The following MYRIP variants were observed in gnomAD, a reference collection of about 807,000 sequenced individuals.
The protein encoded by MYRIP is myosin VIIA and Rab interacting protein, also known as rab effector MyRIP.
A neutral mutation model predicts 98.0 loss-of-function variants in MYRIP; 49 were observed. The observed-to-expected ratio is 0.50, with a 90% CI of 0.40 to 0.63. The LOEUF is 0.63. Ranked by LOEUF, MYRIP falls within the 30% of genes least tolerant of loss-of-function variation. The pLI is 0.00. For synonymous variants in MYRIP, 404 were observed against 409.5 expected (o/e 0.99, Z 0.16); for missense variants, 1,004 against 1,058.2 (o/e 0.95, Z 0.71).
intron 13 of MYRIP, among the ~76,000 whole-genome samples, chr3:40,247,867 G>A (rs1953254574): frequency 6.6e-6 from 1 of 152,258 alleles, no homozygotes; most frequent in South Asian, 2.1e-4. Flanking sequence ...CCTGGGAAAT[G>A]TGTTGGTCCT....
chr3:39,815,399 A>ATG lies in MYRIP; in HGVS notation c.-31+5497_-31+5498dup, dbSNP rs772232777. Among the ~76,000 whole-genome samples, 1,261 of 151,644 alleles carry ATG rather than the reference A, an allele frequency of 8.3e-3. 15 individuals are homozygous for ATG. The highest frequency in any genetic ancestry group is 0.027 in the African/African-American group (1,104 of 41,376). On this transcript the variant is annotated intron_variant, in intron 1 of 16. Coordinates refer to ENST00000302541, the MANE Select transcript of MYRIP (RefSeq NM_015460.4). ...TTTATTGGTGTATTTCATCATATAT[A>ATG]TGTGTGTGTGTGTGTATGTATGTAT...
chr3:40,234,735 C>T (rs1285614769), intron 12 of MYRIP, among the ~76,000 whole-genome samples: 1 of 152,186 alleles, frequency 6.6e-6, no homozygotes, highest in African/African-American at 2.4e-5. Context: ...TGGCTCACAT[C>T]TATAATCCCA....
intron 2 of MYRIP, among the ~76,000 whole-genome samples, chr3:40,028,268 A>C (rs1325164533): frequency 1.3e-5 from 2 of 152,170 alleles, no homozygotes; most frequent in East Asian, 3.9e-4. Context: ...AGACTACACC[A>C]GATGTAAGAA....
intron 2 of MYRIP, among the ~76,000 whole-genome samples, chr3:39,910,887 T>A (rs1312791938): frequency 6.6e-6 from 1 of 152,158 alleles, no homozygotes; most frequent in Admixed American, 6.5e-5. Flanking sequence ...TTATATGTGG[T>A]TTTTAGGTAT....
chr3:40,227,783 G>T (rs1162498494), intron 11 of MYRIP, among the ~76,000 whole-genome samples: 2 of 152,220 alleles, frequency 1.3e-5, no homozygotes, highest in South Asian at 4.1e-4. Flanking sequence ...GGTGGGAGGT[G>T]CTTGAGGAGA....
intron 8 of MYRIP, among the ~76,000 whole-genome samples, chr3:40,181,225 C>T (rs1270972914): frequency 7.7e-6 from 1 of 130,374 alleles, no homozygotes; most frequent in Admixed American, 7.4e-5. Context: ...GAGGTGGTCA[C>T]GGAGCCCAGG....
At chr3:40,071,238 G>T (rs773735425) in intron 3 of MYRIP, 79 of 973,640 alleles carry the variant, frequency 8.1e-5, no homozygotes, top group Non-Finnish European at 8.7e-5. Context: ...TAAGAATCTT[G>T]CTGGAGTTGG....
intron 2 of MYRIP, among the ~76,000 whole-genome samples, chr3:39,955,509 C>A (rs1208793714): frequency 9.9e-5 from 15 of 152,104 alleles, no homozygotes; most frequent in Admixed American, 9.2e-4. Context: ...GCCTGCCATA[C>A]AAGAGCTCCT....
At chr3:39,877,162 A>G (rs7428550) in intron 1 of MYRIP, among the ~76,000 whole-genome samples, 49,130 of 151,946 alleles carry the variant, frequency 0.32, 8,094 homozygotes, top group Middle Eastern at 0.46. Context: ...CATTCTTCAC[A>G]TAGTTCTCGA....
At chr3:40,114,885 G>T (rs1335600739) in intron 3 of MYRIP, among the ~76,000 whole-genome samples, 1 of 152,062 alleles carries the variant, frequency 6.6e-6, no homozygotes, top group Non-Finnish European at 1.5e-5. Context: ...TTAATTTCTA[G>T]AAATATGTGA....
rs1951730247 is a variant in MYRIP, at chr3:40,204,216, T to TATATA, written c.1666-5637_1666-5633dup. ...AATATTATATTATATATTTATATAT[T>TATATA]ATATATAAATATATATATATTTTTT... On this transcript the variant is annotated intron_variant, in intron 10 of 16. Transcript: ENST00000302541. 4.7e-4 allele frequency among the ~76,000 whole-genome samples: 5 copies of TATATA among 10,582 alleles called. No homozygotes were observed. The South Asian group carries it at 0.015, about 31-fold the overall frequency. 6.9% of individuals were successfully genotyped at this position (10,582 alleles called of 152,430 possible).
At chr3:39,856,689 T>C (rs989740291) in intron 1 of MYRIP, among the ~76,000 whole-genome samples, 27 of 152,156 alleles carry the variant, frequency 1.8e-4, no homozygotes, top group African/African-American at 6.3e-4. Context: ...TTAGATACTT[T>C]GTCAGCAAGC....
At chr3:40,123,418 CAG>C (rs1208060228) in intron 3 of MYRIP, among the ~76,000 whole-genome samples, 1 of 152,232 alleles carries the variant, frequency 6.6e-6, no homozygotes, top group Non-Finnish European at 1.5e-5. Flanking sequence ...TGGGAGGACT[CAG>C]AGACTGTGGC....
intron 2 of MYRIP, among the ~76,000 whole-genome samples, chr3:39,999,873 G>T (rs941225421): frequency 3.9e-5 from 6 of 152,054 alleles, no homozygotes; most frequent in Non-Finnish European, 7.4e-5. Flanking sequence ...CATGTCCTTT[G>T]TAGGGACATG....
intron 2 of MYRIP, among the ~76,000 whole-genome samples, chr3:40,031,132 A>G (rs1947251792): frequency 6.6e-6 from 1 of 152,130 alleles, no homozygotes; most frequent in Non-Finnish European, 1.5e-5. Context: ...TGGGAGGTCC[A>G]AGATAAAGAT....
intron 11 of MYRIP, among the ~76,000 whole-genome samples, chr3:40,212,161 TATATATACATATATATAC>T (rs1559456631): frequency 0.022 from 273 of 12,290 alleles, 84 homozygotes; most frequent in Middle Eastern, 0.071. Context: ...TACGTGTATA[TATATATACATATATATAC>T]GTGTATGTGT....
At chr3:39,882,940 A>G (rs1943190566) in intron 1 of MYRIP, among the ~76,000 whole-genome samples, 2 of 152,054 alleles carry the variant, frequency 1.3e-5, no homozygotes, top group African/African-American at 4.8e-5. Flanking sequence ...CACTGAGGAC[A>G]TCTATAAAAG....
At chr3:39,847,843 C>T (rs1366999899) in intron 1 of MYRIP, among the ~76,000 whole-genome samples, 3 of 152,116 alleles carry the variant, frequency 2.0e-5, no homozygotes, top group Non-Finnish European at 4.4e-5. Flanking sequence ...ATCTGTTATC[C>T]CCCTCACCCC....
chr3:39,964,071 C>A (rs1945384735), intron 2 of MYRIP, among the ~76,000 whole-genome samples: 2 of 151,924 alleles, frequency 1.3e-5, no homozygotes, highest in Non-Finnish European at 2.9e-5. Context: ...CATTTAAATT[C>A]CTTTCTTATT....
Sources: allele counts gnomAD v4.1 joint callset (sites outside exome capture counted in the v4.1 genomes callset), GRCh38; gene constraint gnomAD v4.1.1; transcripts MANE v1.5; gene names NCBI Gene and HGNC (gene_info 2026-07-23, HGNC 2026-07-21).